JAKMIP1: variants seen among roughly 807,000 people sequenced by gnomAD.
JAKMIP1 encodes the protein janus kinase and microtubule-interacting protein 1.
A neutral mutation model predicts 113.0 loss-of-function variants in JAKMIP1; 33 were observed. The ratio of observed to expected loss-of-function variants is 0.29; its 90% confidence interval spans 0.22 to 0.39. The LOEUF (loss-of-function observed/expected upper bound fraction) is 0.39, where lower values mean the gene tolerates loss of function less well. Ranked by LOEUF, JAKMIP1 falls within the 10% of genes least tolerant of loss-of-function variation. JAKMIP1 has a pLI of 1.00. For missense variants in JAKMIP1, 813 were observed against 1,080.5 expected (o/e 0.75, Z 3.47); for synonymous variants, 480 against 459.9 (o/e 1.04, Z -0.56).
chr4:6,027,845 G>A (rs1236527763), intron 20 of JAKMIP1, among the ~76,000 whole-genome samples: 1 of 152,210 alleles, frequency 6.6e-6, no homozygotes, highest in Non-Finnish European at 1.5e-5. Context: ...AATCAGCAAG[G>A]ATGACCTTGG....
chr4:6,053,310 G>A (rs73073435), intron 13 of JAKMIP1, among the ~76,000 whole-genome samples: 1 of 152,326 alleles, frequency 6.6e-6, no homozygotes, highest in African/African-American at 2.4e-5. Context: ...TGAAGGAACA[G>A]GATTTCTACA....
intron 1 of JAKMIP1, among the ~76,000 whole-genome samples, chr4:6,132,647 T>TAAAAA (rs71646639): frequency 4.2e-5 from 5 of 118,020 alleles, no homozygotes; most frequent in Admixed American, 1.9e-4. Context: ...GCCTCAAAAA[T>TAAAAA]AAAAAAAAAA....
In JAKMIP1 at chr4:6,197,171, G is replaced by C. The variant is rs892926730; in HGVS notation, c.-148+3082C>G. Among the ~76,000 whole-genome samples the C allele has an allele frequency of 2.6e-5, 4 of 152,172 alleles. No individual in the cohort carries two copies. Among genetic ancestry groups the C allele is most frequent in the African/African-American group, 7.2e-5 (3 of 41,430 alleles). On this transcript the variant is annotated intron_variant, in intron 1 of 20. Coordinates refer to ENST00000409021, the MANE Select transcript of JAKMIP1 (RefSeq NM_001099433.2). This position sits in a 1 kb window ranked among gnomAD's most constrained non-coding sequence, Gnocchi z 6.5. ...TTCCCCTTATCCAGACAAAAGAAGTGAGTACAGGGGCTAAGCGACTTGCCC... is the reference window on the plus strand; with the variant it reads ...TTCCCCTTATCCAGACAAAAGAAGTCAGTACAGGGGCTAAGCGACTTGCCC...
chr4:6,163,900 A>G (rs899043960), intron 1 of JAKMIP1, among the ~76,000 whole-genome samples: 6 of 152,242 alleles, frequency 3.9e-5, no homozygotes, highest in African/African-American at 1.4e-4. Flanking sequence ...GAAGGCTAAG[A>G]GATGTGGAGA....
rs1429095041 is a variant in JAKMIP1, at chr4:6,136,520, A to C, written c.-147-23523T>G. On this transcript the variant is annotated intron_variant, in intron 1 of 20. Coordinates refer to ENST00000409021, the MANE Select transcript of JAKMIP1 (RefSeq NM_001099433.2). The surrounding 1 kb of genome is among the most constrained non-coding windows in gnomAD (Gnocchi z 5.9). ...TCCCAAGAGGGAGGCCTCGCTTCCC[A>C]TATTTTGTATCTGAGACAATTTGGG... Among the ~76,000 whole-genome samples the C allele has an allele frequency of 6.6e-6, 1 of 152,166 alleles. No individual in the cohort carries two copies. Among genetic ancestry groups the C allele is most frequent in the African/African-American group, 2.4e-5 (1 of 41,444 alleles).
intron 3 of JAKMIP1, among the ~76,000 whole-genome samples, chr4:6,103,611 T>C (rs1262933361): frequency 6.6e-6 from 1 of 152,238 alleles, no homozygotes; most frequent in Non-Finnish European, 1.5e-5. Context: ...AAGAATTTAC[T>C]TGTGAAGCCA....
chr4:6,123,937 G>C (rs1294125722), intron 1 of JAKMIP1, among the ~76,000 whole-genome samples: 1 of 152,202 alleles, frequency 6.6e-6, no homozygotes, highest in African/African-American at 2.4e-5. Context: ...TTTTTATACT[G>C]ATGCAAAATA....
At position 6,108,024 on chromosome 4, in the gene JAKMIP1, G is replaced by A. The variant is rs1057278643; in HGVS notation, c.130-2057C>T. Among the ~76,000 whole-genome samples the A allele has an allele frequency of 1.3e-5, 2 of 152,188 alleles. No individual in the cohort carries two copies. Among genetic ancestry groups the A allele is most frequent in the Non-Finnish European group, 2.9e-5 (2 of 68,026 alleles). ...GGGGGTGAGGAACATGGAAGGGTGGGCAGAGGCCTGTGCAGGGCAGCCCGG... is the reference window on the plus strand; with the variant it reads ...GGGGGTGAGGAACATGGAAGGGTGGACAGAGGCCTGTGCAGGGCAGCCCGG... On this transcript the variant is annotated intron_variant, in intron 2 of 20. Coordinates refer to ENST00000409021, the MANE Select transcript of JAKMIP1 (RefSeq NM_001099433.2). This position sits in a 1 kb window ranked among gnomAD's most constrained non-coding sequence, Gnocchi z 5.6.
intron 5 of JAKMIP1, among the ~76,000 whole-genome samples, chr4:6,082,276 C>G (rs1381991304): frequency 6.6e-6 from 1 of 151,876 alleles, no homozygotes; most frequent in Non-Finnish European, 1.5e-5. Context: ...CGTTTACTCC[C>G]CAGGCTGTAA....
At position 6,158,853 on chromosome 4, in the gene JAKMIP1, T is replaced by C. The variant is rs1032960670; in HGVS notation, c.-148+41400A>G. ...CCTGTAATCTCATCACTTTGGGAGT[T>C]TGAAGCAGGAGGATCGCTTGACCTC... On this transcript the variant is annotated intron_variant, in intron 1 of 20. Coordinates refer to ENST00000409021, the MANE Select transcript of JAKMIP1 (RefSeq NM_001099433.2). This position sits in a 1 kb window ranked among gnomAD's most constrained non-coding sequence, Gnocchi z 5.3. Among the ~76,000 whole-genome samples, 2 of 152,016 alleles carry C rather than the reference T, an allele frequency of 1.3e-5. No homozygotes were observed. Among genetic ancestry groups the C allele is most frequent in the Non-Finnish European group, 2.9e-5 (2 of 67,988 alleles).
intron 2 of JAKMIP1, among the ~76,000 whole-genome samples, chr4:6,111,598 G>A (rs980759986): frequency 2.3e-4 from 35 of 152,184 alleles, no homozygotes; most frequent in African/African-American, 5.3e-4. Flanking sequence ...CAGAGGTTTC[G>A]GAGACTTTTA....
rs1720349944 is a variant in JAKMIP1, at chr4:6,142,818, G to A, written c.-147-29821C>T. ...TCCCAGGGGTACAAATGGCATCACA[G>A]GATTTTCAACAACTTCATTGCTTAC... is the stretch of plus-strand genomic sequence containing the variant. On this transcript the variant is annotated intron_variant, in intron 1 of 20. Transcript: ENST00000409021. The surrounding 1 kb of genome is among the most constrained non-coding windows in gnomAD (Gnocchi z 5.5). Among the ~76,000 whole-genome samples, 1 of 152,202 alleles carries A rather than the reference G, an allele frequency of 6.6e-6. No individual in the cohort carries two copies. The highest frequency in any genetic ancestry group is 1.5e-5 in the Non-Finnish European group (1 of 68,044).
At chr4:6,133,514 A>T (rs776476590) in intron 1 of JAKMIP1, among the ~76,000 whole-genome samples, 1 of 152,198 alleles carries the variant, frequency 6.6e-6, no homozygotes, top group Non-Finnish European at 1.5e-5. Context: ...ACGCAAGCAG[A>T]TTCATTCATC....
In JAKMIP1 at chr4:6,135,006, C is replaced by T. The variant is rs1055292224; in HGVS notation, c.-147-22009G>A. Among the ~76,000 whole-genome samples, 8 of 152,262 alleles carry T rather than the reference C, an allele frequency of 5.3e-5. No homozygotes were observed. The highest frequency in any genetic ancestry group is 1.7e-4 in the African/African-American group (7 of 41,550). ...ACAGCGTCTGGGCTCCCTGGCAGGC[C>T]CTGGACATGTAGAGATGGCAGGTGT... On this transcript the variant is annotated intron_variant, in intron 1 of 20. Coordinates refer to ENST00000409021, the MANE Select transcript of JAKMIP1 (RefSeq NM_001099433.2). This position sits in a 1 kb window ranked among gnomAD's most constrained non-coding sequence, Gnocchi z 4.9.
chr4:6,079,544 C>T (rs1322436144), intron 7 of JAKMIP1, among the ~76,000 whole-genome samples: 5 of 152,194 alleles, frequency 3.3e-5, no homozygotes, highest in East Asian at 1.9e-4. Flanking sequence ...GAGCAGAACA[C>T]GTTCTACTTC....
rs562102037 is a variant in JAKMIP1, at chr4:6,190,017, T to C, written c.-148+10236A>G. On this transcript the variant is annotated intron_variant, in intron 1 of 20. Transcript: ENST00000409021. Reference sequence around the variant, plus strand: ...CCCCATTAGTCCATTCCCCTGCCCCTGGGCCTGTCTGAATCTAGCCCCAAT... The same window carrying C: ...CCCCATTAGTCCATTCCCCTGCCCCCGGGCCTGTCTGAATCTAGCCCCAAT... 2.6e-5 allele frequency among the ~76,000 whole-genome samples: 4 copies of C among 152,314 alleles called. No individual in the cohort carries two copies. The East Asian group carries it at 7.7e-4, about 29-fold the overall frequency.
rs1030860661 is a variant in JAKMIP1, at chr4:6,199,437, G to A, written c.-148+816C>T. On this transcript the variant is annotated intron_variant, in intron 1 of 20. Coordinates refer to ENST00000409021, the MANE Select transcript of JAKMIP1 (RefSeq NM_001099433.2). This position sits in a 1 kb window ranked among gnomAD's most constrained non-coding sequence, Gnocchi z 5.6. ...GCGAAGGACCGAGGGGCTGGGAGGC[G>A]AGGCCGCAGCGCACTGACGCAGGCC... Among the ~76,000 whole-genome samples the A allele has an allele frequency of 5.3e-5, 8 of 152,178 alleles. No homozygotes were observed. The highest frequency in any genetic ancestry group is 1.5e-5 in the Non-Finnish European group (1 of 68,012).
At chr4:6,083,131 G>A (rs565908391) in intron 5 of JAKMIP1, among the ~76,000 whole-genome samples, 7 of 152,140 alleles carry the variant, frequency 4.6e-5, no homozygotes, top group South Asian at 2.1e-4. Flanking sequence ...GGCCAGGCGC[G>A]GTGGCTCACG....
intron 3 of JAKMIP1, among the ~76,000 whole-genome samples, chr4:6,100,638 T>C (rs1317582182): frequency 2.6e-5 from 4 of 152,204 alleles, no homozygotes; most frequent in Non-Finnish European, 5.9e-5. Flanking sequence ...TTTTAGACTT[T>C]TTAAGAAACT....
Sources: gnomAD v4.1 joint callset for allele counts (sites outside exome capture counted in the v4.1 genomes callset) on GRCh38, gnomAD v4.1.1 for gene constraint, Gnocchi (gnomAD v3.1) non-coding constraint, MANE v1.5 for transcripts, NCBI Gene and HGNC (gene_info 2026-07-23, HGNC 2026-07-21) for gene names.